Variants in ANK3 observed in about 807,000 individuals in gnomAD.
ANK3 encodes ankyrin 3, also known as ankyrin-3.
ANK3 carries 57 observed loss-of-function variants against 370.9 expected under a neutral mutation model. The observed-to-expected ratio is 0.15, with a 90% CI of 0.12 to 0.19. ANK3 has a LOEUF of 0.19. ANK3 is among the 10% of genes least tolerant of loss of function. The pLI is 1.00. For missense variants in ANK3, 4,439 were observed against 5,302.1 expected (o/e 0.84, Z 5.06); for synonymous variants, 1,929 against 1,946.3 (o/e 0.99, Z 0.23).
chr10:60,512,035 A>T (rs2076097820), intron 2 of ANK3, among the ~76,000 whole-genome samples: 1 of 152,062 alleles, frequency 6.6e-6, no homozygotes. Context: ...GGCAACACTC[A>T]GGGAATCCCC....
At chr10:60,243,383 A>G (rs1592337088) in intron 7 of ANK3, among the ~76,000 whole-genome samples, 2 of 152,154 alleles carry the variant, frequency 1.3e-5, no homozygotes, top group South Asian at 4.1e-4. Flanking sequence ...GGCCTCCACA[A>G]TGGGATTGGT....
chr10:60,282,695 G>A (rs185207839), intron 1 of ANK3, among the ~76,000 whole-genome samples: 1 of 152,174 alleles, frequency 6.6e-6, no homozygotes, highest in Admixed American at 6.5e-5. Context: ...ACAATTCTCT[G>A]AGATAGCTAA....
At chr10:60,191,064 C>T (rs1029219813) in intron 16 of ANK3, among the ~76,000 whole-genome samples, 1 of 152,122 alleles carries the variant, frequency 6.6e-6, no homozygotes, top group Non-Finnish European at 1.5e-5. Flanking sequence ...CCATAACTCT[C>T]ACCATATACA....
chr10:60,134,291 G>C lies in ANK3; in HGVS notation c.2821C>G (p.Leu941Val). 1 of 1,613,828 alleles carries C rather than the reference G, an allele frequency of 6.2e-7. No individual in the cohort carries two copies. Among genetic ancestry groups the C allele is most frequent in the Non-Finnish European group, 8.5e-7 (1 of 1,179,850 alleles). Reference protein sequence around the residue: ...ARDSMMIEELLVPSKEQHLTF... With the variant: ...ARDSMMIEELVVPSKEQHLTF... ...CATACCTGCTCTTTGGATGGCACAA[G>C]GAGTTCTTCAATCATCATGCTGTCC... The change falls in exon 25 of 44, where the codon CTT (leucine) becomes GTT (valine). Residue 941 changes from leucine to valine, a missense_variant. Leu to Val is a conservative substitution (Grantham distance 32, BLOSUM62 1). Around this residue, in one of 13 missense-constraint regions of ANK3, gnomAD observed 702 missense variants for 941.5 expected, o/e 0.75. Coordinates refer to ENST00000280772, the MANE Select transcript of ANK3 (RefSeq NM_020987.5).
At chr10:60,080,428 A>C in intron 36 of ANK3, 109 bp downstream of exon 36, 1 of 952,090 alleles carries the variant, frequency 1.1e-6, no homozygotes. Flanking sequence ...CCTGCAGGCA[A>C]TTTTTCTTTT....
chr10:60,483,943 T>A (rs1384243164), intron 2 of ANK3, among the ~76,000 whole-genome samples: 1 of 152,188 alleles, frequency 6.6e-6, no homozygotes, highest in East Asian at 1.9e-4. Flanking sequence ...AAGTGACTAG[T>A]TGACTTGATT....
At chr10:60,695,891 T>C (rs889108042) in intron 1 of ANK3, among the ~76,000 whole-genome samples, 1 of 150,458 alleles carries the variant, frequency 6.6e-6, no homozygotes, top group Non-Finnish European at 1.5e-5. Flanking sequence ...AGGCAAGAAA[T>C]AACTAAAATC....
chr10:60,368,866 C>T (rs912496644), intron 1 of ANK3, among the ~76,000 whole-genome samples: 7 of 152,090 alleles, frequency 4.6e-5, no homozygotes, highest in African/African-American at 7.2e-5. Context: ...GACATATAAC[C>T]TCTAAGAATT....
rs1449982903 is a variant in ANK3 at position 60,073,921 on chromosome 10, G to A, written c.6960C>T (p.Asn2320=). The change falls in exon 37 of 44, where the codon AAC becomes AAT. Residue 2320 remains asparagine, a synonymous_variant. Transcript: ENST00000280772. ...ETSAQHAEKD[N]QMKPKLERII... ...TACGCTCCAGTTTGGGTTTCATTTG[G>A]TTGTCCTTCTCTGCATGCTGGGCTG... The A allele has an allele frequency of 6.2e-7, 1 of 1,613,806 alleles. No homozygotes were observed. The highest frequency in any genetic ancestry group is 8.5e-7 in the Non-Finnish European group (1 of 1,179,972).
intron 1 of ANK3, among the ~76,000 whole-genome samples, chr10:60,362,170 T>C (rs540943240): frequency 6.6e-6 from 1 of 152,326 alleles, no homozygotes; most frequent in South Asian, 2.1e-4. Context: ...CATTATCCAT[T>C]TAACCTAACT....
chr10:60,567,870 C>T (rs188174165), intron 2 of ANK3, among the ~76,000 whole-genome samples: 74 of 152,190 alleles, frequency 4.9e-4, no homozygotes, highest in Non-Finnish European at 7.6e-4. Flanking sequence ...GTATTAATAA[C>T]GGCAGATGTG....
At position 60,068,846 on chromosome 10, in the gene ANK3, T is replaced by C. The variant is rs2131962826; in HGVS notation, c.12035A>G (p.Asp4012Gly). 3 of 1,614,124 alleles carry C rather than the reference T, an allele frequency of 1.9e-6. No individual in the cohort carries two copies. The East Asian group carries it at 6.7e-5, about 36-fold the overall frequency. Residue 4012 changes from aspartate to glycine, a missense_variant, in exon 37 of 44, where the codon GAC (aspartate) becomes GGC (glycine). Asp to Gly is a moderately conservative substitution (Grantham distance 94, BLOSUM62 -1). This residue lies in a region of ANK3 where 496 missense variants were observed against 529.3 expected (regional missense o/e 0.94). Transcript: ENST00000280772. ...CTTTTTTTCTTCTTCAGAGAGGCGG[T>C]CCACAAGCTTTAAGGTCTCACCACT... is the stretch of plus-strand genomic sequence containing the variant. Reference protein sequence around the residue: ...GISGETLKLVDRLSEEEKKMQ... With the variant: ...GISGETLKLVGRLSEEEKKMQ...
At chr10:60,480,316 T>C (rs967249670) in intron 2 of ANK3, among the ~76,000 whole-genome samples, 1 of 152,130 alleles carries the variant, frequency 6.6e-6, no homozygotes, top group South Asian at 2.1e-4. Context: ...TTTAAAGCCA[T>C]GGGCACAGAC....
intron 1 of ANK3, among the ~76,000 whole-genome samples, chr10:60,301,324 G>T (rs117428636): frequency 1.1e-3 from 158 of 139,580 alleles, no homozygotes; most frequent in African/African-American, 4.0e-3. Flanking sequence ...ATACACACAC[G>T]TGTGTATATA....
chr10:60,716,628 G>A (rs1353939058), intron 1 of ANK3, among the ~76,000 whole-genome samples: 7 of 152,114 alleles, frequency 4.6e-5, no homozygotes, highest in African/African-American at 1.2e-4. Context: ...ATCCTCCCAC[G>A]TCAGCCTCCC....
chr10:60,627,028 T>C (rs1461659966), intron 1 of ANK3, among the ~76,000 whole-genome samples: 2 of 152,004 alleles, frequency 1.3e-5, no homozygotes, highest in African/African-American at 2.4e-5. Context: ...CCTTGGGATT[T>C]GCCATATTTA....
intron 2 of ANK3, among the ~76,000 whole-genome samples, chr10:60,411,913 G>A (rs1232266832): frequency 2.0e-5 from 3 of 152,090 alleles, no homozygotes; most frequent in African/African-American, 4.8e-5. Flanking sequence ...GACAGCCAGG[G>A]CAATTAATCC....
At chr10:60,362,904 G>A (rs1055453237) in intron 1 of ANK3, among the ~76,000 whole-genome samples, 2 of 152,060 alleles carry the variant, frequency 1.3e-5, no homozygotes, top group African/African-American at 4.8e-5. Flanking sequence ...GGCTTTACCC[G>A]GGGACATTAG....
rs1217897145 is a variant in ANK3, at chr10:60,029,554, A to T, written c.*292T>A. On this transcript the variant is annotated 3_prime_UTR_variant, in exon 44 of 44. Transcript: ENST00000280772. ...TGTAAATGACACCAAATTACTTGAG[A>T]TAAACTGTTAACAGCATGGCTTCTT... The T allele has an allele frequency of 1.3e-5, 2 of 152,634 alleles. No individual in the cohort carries two copies. Among genetic ancestry groups the T allele is most frequent in the African/African-American group, 4.8e-5 (2 of 41,458 alleles). The allele number at this position is 152,634 out of a possible 1,614,324, so 9.5% of individuals were successfully genotyped here.
Sources: allele counts gnomAD v4.1 joint callset (sites outside exome capture counted in the v4.1 genomes callset), GRCh38; gene constraint gnomAD v4.1.1; regional missense constraint gnomAD v4.1.1; transcripts MANE v1.5; gene names NCBI Gene and HGNC (gene_info 2026-07-23, HGNC 2026-07-21).